The following APH1A variants were observed in gnomAD, a reference collection of about 807,000 sequenced individuals.
APH1A encodes the protein gamma-secretase subunit APH-1A.
A neutral mutation model predicts 30.3 loss-of-function variants in APH1A; 16 were observed. That is an observed-to-expected ratio of 0.53 (90% CI 0.36 to 0.80). The LOEUF is 0.80. Ranked by LOEUF, APH1A falls within the 30% of genes least tolerant of loss-of-function variation. The pLI, the probability that APH1A is intolerant of heterozygous loss-of-function variation, is 0.01. For missense variants in APH1A, 245 were observed against 337.8 expected (o/e 0.73, Z 2.15); for synonymous variants, 144 against 140.1 (o/e 1.03, Z -0.20).
At position 150,267,760 on chromosome 1, in the gene APH1A, C is replaced by T; in HGVS notation, c.314G>A (p.Ser105Asn). The T allele has an allele frequency of 3.7e-6, 6 of 1,613,158 alleles. No homozygotes were observed. The highest frequency in any genetic ancestry group is 4.2e-6 in the Non-Finnish European group (5 of 1,179,728). Residue 105 changes from serine to asparagine, a missense_variant, in exon 3 of 7, where the codon AGT becomes AAT. Physicochemically the swap from Ser to Asn is conservative, Grantham distance 46 (BLOSUM62 1). Coordinates refer to ENST00000369109, the MANE Select transcript of APH1A (RefSeq NM_001077628.3). ...GGAGATGGGTGATCTTCCGTCCTCA[C>T]TCAGCGATGCTAACCCCTCATCTGC... ...KKADEGLASL[S>N]EDGRSPISIR...
chr1:150,266,402 A>G, intron 6 of APH1A, 131 bp downstream of exon 6: 1 of 1,528,624 alleles, frequency 6.5e-7, no homozygotes, highest in Non-Finnish European at 8.8e-7. Flanking sequence ...CCCTGGAGGT[A>G]GTGGGGTAGA....
At position 150,266,076 on chromosome 1, in the gene APH1A, A is replaced by T; in HGVS notation, c.*54T>A. On this transcript the variant is annotated 3_prime_UTR_variant, in exon 7 of 7. Transcript: ENST00000369109. ...TCCAGAACTGGAGATGGAGAAATAC[A>T]GGGCGAGGACATCAGGAGGGCACCC... 1.3e-6 allele frequency: 2 copies of T among 1,545,762 alleles called. No homozygotes were observed. The highest frequency in any genetic ancestry group is 1.7e-6 in the Non-Finnish European group (2 of 1,143,012).
chr1:150,267,485 G>C lies in APH1A; in HGVS notation c.359-7C>G, dbSNP rs966551064. The C allele has an allele frequency of 6.8e-6, 11 of 1,613,788 alleles. No individual in the cohort carries two copies. The African/African-American group carries it at 1.2e-4, about 18-fold the overall frequency. On this transcript the variant is annotated splice_polypyrimidine_tract_variant and splice_region_variant and intron_variant, in intron 3 of 6. Transcript: ENST00000369109. ...CCGAAGGAGAGACCAGAAACTGGGG[G>C]AAGGGAGGATCTCATCAATGTCAGA...
At chr1:150,266,477 C>G (rs1553849912) in intron 6 of APH1A, 56 bp downstream of exon 6, 2 of 1,610,882 alleles carry the variant, frequency 1.2e-6, no homozygotes, top group South Asian at 2.2e-5. Flanking sequence ...CAGTCATGGG[C>G]AGTGGACAGG....
At chr1:150,268,392 C>G in intron 1 of APH1A, 1 of 595,520 alleles carries the variant, frequency 1.7e-6, no homozygotes, top group Non-Finnish European at 2.9e-6. Flanking sequence ...GTATCCGTTC[C>G]TGGATCCTCC....
rs782612047 is a variant in APH1A, at chr1:150,268,825, GA to G, written c.-16del. On this transcript the variant is annotated 5_prime_UTR_variant, in exon 1 of 7. Transcript: ENST00000369109. ...GCAGCCCCCATGGCTGGTCAGGTGG[GA>G]AGGGGGGTGGGGGCCTGACCAGGAC... 1 of 1,605,676 alleles carries G rather than the reference GA, an allele frequency of 6.2e-7. No individual in the cohort carries two copies. Among genetic ancestry groups the G allele is most frequent in the African/African-American group, 1.3e-5 (1 of 74,810 alleles).
At chr1:150,268,508 A>G in intron 1 of APH1A, 190 bp downstream of exon 1, 1 of 627,884 alleles carries the variant, frequency 1.6e-6, no homozygotes, top group Middle Eastern at 4.0e-4. Context: ...GGAATCTGTG[A>G]GATCCTTGGA....
At chr1:150,266,986 A>C in intron 5 of APH1A, 89 bp downstream of exon 5, 1 of 1,561,324 alleles carries the variant, frequency 6.4e-7, no homozygotes, top group South Asian at 1.2e-5. Flanking sequence ...TAAGTTAAAA[A>C]TGTTAAGAAG....
At position 150,268,697 on chromosome 1, in the gene APH1A, C is replaced by T. The variant is rs1553850459; in HGVS notation, c.113+1G>A. ...CCGCGTCTCCCGGGCCCTCTACTCA[C>T]CCTGCGACCAGGATGATAACGCGAA... On this transcript the variant is annotated splice_donor_variant, in intron 1 of 6. Coordinates refer to ENST00000369109, the MANE Select transcript of APH1A (RefSeq NM_001077628.3). LOFTEE classifies it high-confidence loss of function. The T allele has an allele frequency of 6.2e-7, 1 of 1,610,512 alleles. No homozygotes were observed. The highest frequency in any genetic ancestry group is 8.5e-7 in the Non-Finnish European group (1 of 1,178,458).
In APH1A at chr1:150,268,895, T is replaced by G; in HGVS notation, c.-85A>C. 1 of 1,234,400 alleles carries G rather than the reference T, an allele frequency of 8.1e-7. No individual in the cohort carries two copies. The highest frequency in any genetic ancestry group is 1.1e-6 in the Non-Finnish European group (1 of 872,556). 76.5% of individuals were successfully genotyped at this position (1,234,400 alleles called of 1,614,324 possible). On this transcript the variant is annotated 5_prime_UTR_variant, in exon 1 of 7. Transcript: ENST00000369109. ...CGCCAGCTGGGGAGTCCGCGTGGGG[T>G]GGCAACGCGACCCCACGAGGGGCGC...
In APH1A at chr1:150,266,235, G is replaced by A. The variant is rs782040476; in HGVS notation, c.734-41C>T. The A allele has an allele frequency of 4.5e-6, 7 of 1,570,806 alleles. No homozygotes were observed. The South Asian group carries it at 5.8e-5, about 13-fold the overall frequency. On this transcript the variant is annotated intron_variant, in intron 6 of 6. Coordinates refer to ENST00000369109, the MANE Select transcript of APH1A (RefSeq NM_001077628.3). ...GAGGTGAGTCTTGGGCAGGGTGAGAGCAGAGCACTGACACAGGGGGAGTCC... is the reference window on the plus strand; with the variant it reads ...GAGGTGAGTCTTGGGCAGGGTGAGAACAGAGCACTGACACAGGGGGAGTCC...
chr1:150,267,212 G>A lies in APH1A; in HGVS notation c.482-10C>T, dbSNP rs1553850097. The A allele has an allele frequency of 9.3e-6, 15 of 1,614,134 alleles. No homozygotes were observed. Among genetic ancestry groups the A allele is most frequent in the Non-Finnish European group, 1.2e-5 (14 of 1,180,032 alleles). On this transcript the variant is annotated splice_polypyrimidine_tract_variant and intron_variant, in intron 4 of 6. Coordinates refer to ENST00000369109, the MANE Select transcript of APH1A (RefSeq NM_001077628.3). ...GCTGCTGTCAGAAAGGCTGCAGGGA[G>A]GGAGATGGGGAGGAGATACATCCCT...
At chr1:150,267,014 C>G (rs587764026) in intron 5 of APH1A, 61 bp downstream of exon 5, 25 of 1,603,944 alleles carry the variant, frequency 1.6e-5, no homozygotes, top group Non-Finnish European at 2.1e-5. Context: ...ACCCTTTCCC[C>G]CACATCCCAC....
rs1651826824 is a variant in APH1A, at chr1:150,267,477, A to G, written c.360T>C (p.Val120=). The G allele has an allele frequency of 6.2e-7, 1 of 1,614,074 alleles. No individual in the cohort carries two copies. ...TGATGATACCGAAGGAGAGACCAGA[A>G]ACTGGGGGAAGGGAGGATCTCATCA... ...SPISIRQMAY[V]SGLSFGIISG... Residue 120 remains valine, a splice_region_variant and synonymous_variant, in exon 4 of 7, where the codon GTT becomes GTC. Transcript: ENST00000369109.
At position 150,268,512 on chromosome 1, in the gene APH1A, C is replaced by T; in HGVS notation, c.113+186G>A. ...GGAATATAGGAGGAATCTGTGAGAT[C>T]CTTGGAAGGTGGAAACCAACTGCGG... is the stretch of plus-strand genomic sequence containing the variant. On this transcript the variant is annotated intron_variant, in intron 1 of 6. Transcript: ENST00000369109. The T allele has an allele frequency of 1.6e-5, 10 of 635,896 alleles. No homozygotes were observed. The South Asian group carries it at 1.9e-4, about 12-fold the overall frequency. 39.4% of individuals were successfully genotyped at this position (635,896 alleles called of 1,614,324 possible). A position where few individuals can be genotyped will look rare whatever the true frequency, so the allele number is the denominator to read the frequency against.
At chr1:150,266,241 C>G in intron 6 of APH1A, 47 bp from the exon 7 acceptor site, 1 of 1,566,598 alleles carries the variant, frequency 6.4e-7, no homozygotes, top group Non-Finnish European at 8.7e-7. Flanking sequence ...GAGAGCAGAG[C>G]ACTGACACAG....
rs1228032853 is a variant in APH1A, at chr1:150,265,477, A to G, written c.*653T>C. On this transcript the variant is annotated 3_prime_UTR_variant, in exon 7 of 7. Transcript: ENST00000369109. ...GGATGGGACACTCCACCCTCAGCAG[A>G]AAATGATACAGTTTATAGAAAACCT... 6.6e-6 allele frequency: 1 copy of G among 152,388 alleles called. No homozygotes were observed. Among genetic ancestry groups the G allele is most frequent in the African/African-American group, 2.4e-5 (1 of 41,440 alleles). 9.4% of individuals were successfully genotyped at this position (152,388 alleles called of 1,614,324 possible). A position where few individuals can be genotyped will look rare whatever the true frequency, so the allele number is the denominator to read the frequency against.
In APH1A at chr1:150,268,974, C is replaced by T. The variant is rs1652012142; in HGVS notation, c.-164G>A. On this transcript the variant is annotated 5_prime_UTR_variant, in exon 1 of 7. Coordinates refer to ENST00000369109, the MANE Select transcript of APH1A (RefSeq NM_001077628.3). ...AAGGGGAAGGGGGGGAACCGAAACC[C>T]CAAATGAAGGTCCGCGCCACTTCCT... 1.7e-6 allele frequency: 1 copy of T among 597,350 alleles called. No homozygotes were observed. The highest frequency in any genetic ancestry group is 3.0e-6 in the Non-Finnish European group (1 of 337,436). 37.0% of individuals were successfully genotyped at this position (597,350 alleles called of 1,614,324 possible).
chr1:150,268,412 C>T (rs1651928498), intron 1 of APH1A: 2 of 585,334 alleles, frequency 3.4e-6, no homozygotes, highest in Non-Finnish European at 3.0e-6. Context: ...CCCTAAGGCA[C>T]CTGACTCGGC....
Sources: allele counts gnomAD v4.1 joint callset, GRCh38; gene constraint gnomAD v4.1.1; transcripts MANE v1.5; gene names NCBI Gene and HGNC (gene_info 2026-07-23, HGNC 2026-07-21).